ANTXR1: variants seen among roughly 807,000 people sequenced by gnomAD.
ANTXR1 encodes the protein anthrax toxin receptor 1.
Under a neutral mutation model 78.1 loss-of-function variants are expected in ANTXR1, and 19 were observed. The ratio of observed to expected loss-of-function variants is 0.24; its 90% confidence interval spans 0.17 to 0.36. The LOEUF is 0.36. Among genes scored for constraint, ANTXR1 ranks in the 10% least tolerant of loss-of-function variants. The pLI is 1.00. For missense variants in ANTXR1, 518 were observed against 718.6 expected (o/e 0.72, Z 3.19); for synonymous variants, 273 against 260.5 (o/e 1.05, Z -0.46).
chr2:69,248,863 T>C lies in ANTXR1; in HGVS notation c.*3378T>C, dbSNP rs562196062. 1.7e-4 allele frequency: 26 copies of C among 152,296 alleles called. No homozygotes were observed. Among genetic ancestry groups the C allele is most frequent in the African/African-American group, 6.3e-4 (26 of 41,524 alleles). 9.4% of individuals were successfully genotyped at this position (152,296 alleles called of 1,614,324 possible). A position where few individuals can be genotyped will look rare whatever the true frequency, so the allele number is the denominator to read the frequency against. On this transcript the variant is annotated 3_prime_UTR_variant, in exon 18 of 18. Transcript: ENST00000303714. Reference sequence around the variant, plus strand: ...GCAGTAAAAAGTCTGTTAATGCACATCCTGTGGGAATGGAGTGTTCTAACC... The same window carrying C: ...GCAGTAAAAAGTCTGTTAATGCACACCCTGTGGGAATGGAGTGTTCTAACC...
chr2:69,103,406 A>C (rs1307825048), intron 10 of ANTXR1: 2 of 211,714 alleles, frequency 9.4e-6, no homozygotes, highest in East Asian at 2.2e-4. Flanking sequence ...TAAATGCATT[A>C]ATCTTGAATA....
At chr2:69,152,889 T>C (rs1368747322) in intron 13 of ANTXR1, among the ~76,000 whole-genome samples, 5 of 152,146 alleles carry the variant, frequency 3.3e-5, no homozygotes, top group African/African-American at 1.2e-4. Flanking sequence ...CACATGACAA[T>C]GTCTCCCCAG....
At chr2:69,235,391 G>A (rs1422726991) in intron 17 of ANTXR1, among the ~76,000 whole-genome samples, 1 of 151,708 alleles carries the variant, frequency 6.6e-6, no homozygotes, top group African/African-American at 2.4e-5. Context: ...GTTCACGCCT[G>A]TAAATCCCAG....
At chr2:69,029,230 A>G (rs1436616503) in intron 1 of ANTXR1, among the ~76,000 whole-genome samples, 1 of 151,684 alleles carries the variant, frequency 6.6e-6, no homozygotes, top group African/African-American at 2.4e-5. Flanking sequence ...CCCTGTCTCA[A>G]ATAAAATAAA....
rs77430353 is a variant in ANTXR1, at chr2:69,137,325, C to G, written c.951+12682C>G. On this transcript the variant is annotated intron_variant, in intron 12 of 17. Transcript: ENST00000303714. ...TCTGGGTACCTGAATATCAGAAAAC[C>G]AAGCTTACATAAATTGCATATGAAA... 9.0e-3 allele frequency among the ~76,000 whole-genome samples: 1,367 copies of G among 152,096 alleles called. 25 individuals carry two copies. Among genetic ancestry groups the G allele is most frequent in the African/African-American group, 0.031 (1,290 of 41,464 alleles).
At chr2:69,142,095 C>A (rs1673085787) in intron 12 of ANTXR1, among the ~76,000 whole-genome samples, 2 of 152,230 alleles carry the variant, frequency 1.3e-5, no homozygotes, top group Middle Eastern at 3.4e-3. Flanking sequence ...TACTCAAAGC[C>A]CACATATTAG....
At chr2:69,114,713 A>G (rs1270674549) in intron 10 of ANTXR1, among the ~76,000 whole-genome samples, 1 of 152,170 alleles carries the variant, frequency 6.6e-6, no homozygotes, top group African/African-American at 2.4e-5. Context: ...CATTTACATT[A>G]TAAAGCTCCA....
Position 69,182,494 on chromosome 2 carries a change from T to C in ANTXR1, c.1187T>C (p.Val396Ala). ...RGVGGIKRME[V>A]RWGEKGSTEE... The stretch of plus-strand genomic sequence containing the variant: ...TTCATTGTATTTTGTTTATTTTAGG[T>C]TCGTTGGGGAGAAAAGGGCTCCACA... The change falls in exon 16 of 18, where the codon GTT (valine) becomes GCT (alanine). Residue 396 changes from valine (V) to alanine (A), a missense_variant and splice_region_variant. Around this residue, in one of 5 missense-constraint regions of ANTXR1, gnomAD observed 192 missense variants for 230.2 expected, o/e 0.83. Transcript: ENST00000303714. The C allele has an allele frequency of 6.2e-7, 1 of 1,614,140 alleles. No individual in the cohort carries two copies. The highest frequency in any genetic ancestry group is 8.5e-7 in the Non-Finnish European group (1 of 1,180,024).
intron 2 of ANTXR1, among the ~76,000 whole-genome samples, chr2:69,043,306 G>A (rs139205874): frequency 3.3e-5 from 5 of 152,246 alleles, no homozygotes; most frequent in African/African-American, 1.2e-4. Context: ...GAACTATCAG[G>A]ATTGGTACTA....
intron 17 of ANTXR1, among the ~76,000 whole-genome samples, chr2:69,221,624 C>A (rs1675322466): frequency 6.6e-6 from 1 of 150,438 alleles, no homozygotes; most frequent in Non-Finnish European, 1.5e-5. Context: ...CACAGAACAA[C>A]CAGAGAGAGA....
At chr2:69,151,493 C>T (rs998429070) in intron 12 of ANTXR1, among the ~76,000 whole-genome samples, 3 of 152,118 alleles carry the variant, frequency 2.0e-5, no homozygotes, top group African/African-American at 7.2e-5. Context: ...CATCGCAGTC[C>T]ACAGAAACTG....
chr2:69,024,194 A>G (rs1671278033), intron 1 of ANTXR1, among the ~76,000 whole-genome samples: 1 of 152,186 alleles, frequency 6.6e-6, no homozygotes, highest in Non-Finnish European at 1.5e-5. Context: ...AGGAGCAGGC[A>G]TCAGAAGGAA....
At chr2:69,238,570 G>T (rs538930013) in intron 17 of ANTXR1, among the ~76,000 whole-genome samples, 1 of 152,134 alleles carries the variant, frequency 6.6e-6, no homozygotes, top group Non-Finnish European at 1.5e-5. Flanking sequence ...TCAATATGTC[G>T]ATGAGGTTTT....
In ANTXR1 at chr2:69,179,684, G is replaced by A. The variant is rs975353353; in HGVS notation, c.1090-2102G>A. On this transcript the variant is annotated intron_variant, in intron 14 of 17. Transcript: ENST00000303714. ...ATCAAAGGAGAATGAGGTTGCATGA[G>A]TTCAAATCCAGCTCTGTCACATACA... Among the ~76,000 whole-genome samples, 11 of 152,198 alleles carry A rather than the reference G, an allele frequency of 7.2e-5. 1 individual carries two copies. Among genetic ancestry groups the A allele is most frequent in the African/African-American group, 2.7e-4 (11 of 41,438 alleles).
At chr2:69,024,318 A>G (rs1671281858) in intron 1 of ANTXR1, among the ~76,000 whole-genome samples, 1 of 152,212 alleles carries the variant, frequency 6.6e-6, no homozygotes, top group Non-Finnish European at 1.5e-5. Flanking sequence ...TGAGTGTTGT[A>G]AGCCCAAGGG....
At chr2:69,035,090 G>A (rs1322933805) in intron 1 of ANTXR1, among the ~76,000 whole-genome samples, 5 of 152,028 alleles carry the variant, frequency 3.3e-5, no homozygotes, top group East Asian at 1.9e-4. Flanking sequence ...TGAGACATAC[G>A]TGTTTCAACA....
chr2:69,241,562 T>C (rs1309146073), intron 17 of ANTXR1, among the ~76,000 whole-genome samples: 4 of 152,184 alleles, frequency 2.6e-5, no homozygotes, highest in African/African-American at 7.2e-5. Context: ...TTACAGGACT[T>C]GGTGGCAACA....
chr2:69,017,256 C>T (rs73934642), intron 1 of ANTXR1, among the ~76,000 whole-genome samples: 1,564 of 152,294 alleles, frequency 0.01, 25 homozygotes, highest in African/African-American at 0.036. Context: ...TAGAGAGAAC[C>T]TCCTCACACA....
chr2:69,184,552 G>A (rs963817092), intron 16 of ANTXR1, among the ~76,000 whole-genome samples: 1 of 152,182 alleles, frequency 6.6e-6, no homozygotes, highest in Non-Finnish European at 1.5e-5. Flanking sequence ...CCACATCTTT[G>A]GTTACAGCCA....
Sources: allele counts gnomAD v4.1 joint callset (sites outside exome capture counted in the v4.1 genomes callset), GRCh38; gene constraint gnomAD v4.1.1; regional missense constraint gnomAD v4.1.1; transcripts MANE v1.5; gene names NCBI Gene and HGNC (gene_info 2026-07-23, HGNC 2026-07-21).